The following ZSCAN4 variants were observed in gnomAD, a reference collection of about 807,000 sequenced individuals.
ZSCAN4 encodes the protein zinc finger and SCAN domain-containing protein 4.
Under a neutral mutation model 18.3 loss-of-function variants are expected in ZSCAN4, and 18 were observed. The observed-to-expected ratio is 0.98, with a 90% CI of 0.68 to 1.46. ZSCAN4 has a LOEUF of 1.46. Ranked by LOEUF, ZSCAN4 falls within the 40% of genes most tolerant of loss-of-function variation. ZSCAN4 has a pLI of 0.00. For synonymous variants in ZSCAN4, 193 were observed against 180.3 expected, an observed-to-expected ratio of 1.07 and a Z score of -0.57; for missense variants, 498 against 511.4, an observed-to-expected ratio of 0.97 and a Z score of 0.25.
intron 1 of ZSCAN4, 152 bp from the exon 2 acceptor site, chr19:57,670,093 G>A (rs2122291846): frequency 6.6e-6 from 1 of 152,226 alleles, no homozygotes; most frequent in African/African-American, 2.4e-5. Flanking sequence ...AGTAGAGAAA[G>A]GGTTTCACCA....
chr19:57,678,846 A>T (rs201878902), exon 5 of ZSCAN4: 1 of 1,612,682 alleles, frequency 6.2e-7, no homozygotes, highest in East Asian at 2.2e-5. Context: ...CCACCGCCAT[A>T]TGAGGACTCA....
At chr19:57,658,675 A>G in the ZSCAN4 span, among the ~76,000 whole-genome samples, 852 of 151,990 alleles carry the variant, frequency 5.6e-3, 9 homozygotes, top group Middle Eastern at 0.02. Flanking sequence ...CCCTACTAAA[A>G]AGGCAAAAAT....
upstream of ZSCAN4, among the ~76,000 whole-genome samples, chr19:57,668,662 G>A (rs1469589739): frequency 6.6e-6 from 1 of 152,170 alleles, no homozygotes; most frequent in Non-Finnish European, 1.5e-5. Flanking sequence ...CAGGGAAGAA[G>A]GCACAGCTTC....
upstream of ZSCAN4, among the ~76,000 whole-genome samples, chr19:57,665,648 G>C (rs916390992): frequency 6.6e-6 from 1 of 152,016 alleles, no homozygotes; most frequent in Non-Finnish European, 1.5e-5. Flanking sequence ...GGCCGGGCGC[G>C]GTGGCTCACT....
chr19:57,652,721 G>A, the ZSCAN4 span, among the ~76,000 whole-genome samples: 2 of 152,258 alleles, frequency 1.3e-5, no homozygotes, highest in Middle Eastern at 6.8e-3. Context: ...CCCTTTCAGA[G>A]TCCTTCCCTT....
upstream of ZSCAN4, among the ~76,000 whole-genome samples, chr19:57,666,823 C>T (rs931453241): frequency 6.6e-6 from 1 of 152,294 alleles, no homozygotes; most frequent in Non-Finnish European, 1.5e-5. Flanking sequence ...TGCACTCCAG[C>T]CTGGGCGACA....
At chr19:57,655,233 A>G in the ZSCAN4 span, among the ~76,000 whole-genome samples, 1 of 152,108 alleles carries the variant, frequency 6.6e-6, no homozygotes, top group East Asian at 1.9e-4. Context: ...CAACTTGCTG[A>G]CCAAGCTGCT....
chr19:57,654,991 T>A, the ZSCAN4 span, among the ~76,000 whole-genome samples: 3 of 152,278 alleles, frequency 2.0e-5, no homozygotes, highest in South Asian at 6.2e-4. Flanking sequence ...TATCTATCCA[T>A]CCAACACATC....
At chr19:57,678,592 A>G (rs777451227) in exon 5 of ZSCAN4, 1 of 1,614,008 alleles carries the variant, frequency 6.2e-7, no homozygotes, top group Non-Finnish European at 8.5e-7. Context: ...TTATTAGCTC[A>G]CCAGAGAAGA....
At chr19:57,676,126 T>C (rs1196478901) in exon 3 of ZSCAN4, 1 of 1,585,024 alleles carries the variant, frequency 6.3e-7, no homozygotes, top group Admixed American at 1.8e-5. Context: ...GTAAAGTCTC[T>C]CTGAGAATTA....
At position 57,676,446 on chromosome 19, in the gene ZSCAN4, A is replaced by C. The variant is rs376575816; in HGVS notation, c.301A>C (p.Lys101Gln). 5 of 1,614,118 alleles carry C rather than the reference A, an allele frequency of 3.1e-6. No individual in the cohort carries two copies. The African/African-American group carries it at 5.3e-5, about 17-fold the overall frequency. ...TATGATTGGTGGCCACTGCAATGAC[A>C]AAGCCAGTGTGAAAGAGAAATGGAA... Residue 101 changes from lysine to glutamine, a missense_variant, in exon 3 of 5, where the codon AAA becomes CAA. Physicochemically the swap from Lys to Gln is moderately conservative, Grantham distance 53. Coordinates refer to ENST00000318203, the Ensembl canonical transcript of ZSCAN4.
chr19:57,676,108 T>A (rs1488015836), exon 3 of ZSCAN4: 3 of 1,553,652 alleles, frequency 1.9e-6, no homozygotes, highest in African/African-American at 2.8e-5. Context: ...AGAGACTGAA[T>A]CATCAAAGTA....
At chr19:57,658,596 G>A in the ZSCAN4 span, among the ~76,000 whole-genome samples, 1 of 152,132 alleles carries the variant, frequency 6.6e-6, no homozygotes, top group African/African-American at 2.4e-5. Context: ...CACTTTGGGA[G>A]GCCGAGGCAG....
At chr19:57,653,533 C>T in the ZSCAN4 span, among the ~76,000 whole-genome samples, 26 of 152,258 alleles carry the variant, frequency 1.7e-4, no homozygotes, top group Admixed American at 1.7e-3. Flanking sequence ...CCAGTCAACC[C>T]CTGATATTCA....
exon 3 of ZSCAN4, chr19:57,676,381 G>T (rs1203860317): frequency 1.2e-6 from 2 of 1,614,200 alleles, no homozygotes; most frequent in Non-Finnish European, 1.7e-6. Flanking sequence ...GAAAAGCACA[G>T]CAAGGATGAA....
intron 3 of ZSCAN4, 32 bp from the exon 4 acceptor site, chr19:57,677,882 C>A (rs368806837): frequency 2.7e-6 from 4 of 1,499,458 alleles, no homozygotes; most frequent in Non-Finnish European, 3.5e-6. Flanking sequence ...ACAACAGATT[C>A]AGATACAACA....
chr19:57,662,787 T>G, the ZSCAN4 span, among the ~76,000 whole-genome samples: 38 of 152,108 alleles, frequency 2.5e-4, no homozygotes, highest in Non-Finnish European at 1.0e-4. Flanking sequence ...CTTGAACTAC[T>G]GACCTCAAGT....
At chr19:57,678,819 C>A (rs775432485) in exon 5 of ZSCAN4, 1 of 1,614,028 alleles carries the variant, frequency 6.2e-7, no homozygotes. Flanking sequence ...GACAAGCTAC[C>A]GCCAGTCATC....
At chr19:57,675,134 C>T (rs1440249693) in intron 2 of ZSCAN4, among the ~76,000 whole-genome samples, 3 of 132,440 alleles carry the variant, frequency 2.3e-5, no homozygotes, top group South Asian at 2.6e-4. Flanking sequence ...TTTGTGTGTG[C>T]GTGTGGCTTT....
Sources: allele counts gnomAD v4.1 joint callset (sites outside exome capture counted in the v4.1 genomes callset), GRCh38; gene constraint gnomAD v4.1.1; transcripts MANE v1.5; gene names NCBI Gene and HGNC (gene_info 2026-07-23, HGNC 2026-07-21).